The following KCNN2 variants were observed in gnomAD, a reference collection of about 807,000 sequenced individuals.
KCNN2 encodes small conductance calcium-activated potassium channel protein 2.
Under a neutral mutation model 55.5 loss-of-function variants are expected in KCNN2, and 24 were observed. That is an observed-to-expected ratio of 0.43 (90% confidence interval 0.31 to 0.61). KCNN2 has a LOEUF of 0.61. Among genes scored for constraint, KCNN2 ranks in the 20% least tolerant of loss-of-function variants. The pLI is 0.08. For missense variants in KCNN2, 754 were observed against 853.6 expected (o/e 0.88, Z 1.45); for synonymous variants, 431 against 336.1 (o/e 1.28, Z -3.09).
At chr5:114,142,381 A>G (rs1752304143) in intron 1 of KCNN2, among the ~76,000 whole-genome samples, 1 of 152,126 alleles carries the variant, frequency 6.6e-6, no homozygotes, top group Non-Finnish European at 1.5e-5. Flanking sequence ...CCATTTATTA[A>G]ATAGGGAATC....
chr5:114,167,305 A>G (rs1752933323), intron 1 of KCNN2, among the ~76,000 whole-genome samples: 1 of 152,166 alleles, frequency 6.6e-6, no homozygotes, highest in African/African-American at 2.4e-5. Context: ...TTATTATTTT[A>G]TGCTACCAAG....
chr5:114,203,433 C>T (rs1455004828), intron 1 of KCNN2, among the ~76,000 whole-genome samples: 1 of 152,010 alleles, frequency 6.6e-6, no homozygotes, highest in Non-Finnish European at 1.5e-5. Context: ...TTTAGATTTA[C>T]TTAGGGAATT....
chr5:114,247,907 C>T (rs73260078), intron 2 of KCNN2, among the ~76,000 whole-genome samples: 4,396 of 151,884 alleles, frequency 0.029, 139 homozygotes, highest in African/African-American at 0.085. Context: ...CCTCCTTGTG[C>T]ATCTCAGTAT....
At chr5:114,269,366 C>A (rs546782572) in intron 2 of KCNN2, among the ~76,000 whole-genome samples, 15 of 152,216 alleles carry the variant, frequency 9.9e-5, no homozygotes, top group African/African-American at 3.4e-4. Flanking sequence ...CAAACTGATT[C>A]TTTGTTAGCA....
chr5:114,418,911 G>A (rs188764782), intron 3 of KCNN2, among the ~76,000 whole-genome samples: 2 of 152,176 alleles, frequency 1.3e-5, no homozygotes, highest in Admixed American at 6.5e-5. Context: ...AAAGGATCAT[G>A]AGTTTTAAAC....
intron 1 of KCNN2, among the ~76,000 whole-genome samples, chr5:114,106,103 A>G (rs1364095460): frequency 6.6e-6 from 1 of 151,972 alleles, no homozygotes; most frequent in Admixed American, 6.6e-5. Context: ...GTAAATTGAA[A>G]GCATTTTGAA....
intron 2 of KCNN2, among the ~76,000 whole-genome samples, chr5:114,379,404 C>T (rs989663537): frequency 3.4e-5 from 5 of 148,594 alleles, no homozygotes; most frequent in African/African-American, 7.4e-5. Context: ...TATGAATATA[C>T]TTACTGAATA....
At chr5:114,375,358 C>G (rs1018177967) in intron 2 of KCNN2, among the ~76,000 whole-genome samples, 2 of 152,052 alleles carry the variant, frequency 1.3e-5, no homozygotes, top group Non-Finnish European at 2.9e-5. Context: ...TTCAAAGATA[C>G]ATCTAATACT....
chr5:114,451,261 T>A (rs1183107784), intron 3 of KCNN2, among the ~76,000 whole-genome samples: 1 of 152,224 alleles, frequency 6.6e-6, no homozygotes, highest in Non-Finnish European at 1.5e-5. Flanking sequence ...CCCTTTTCCA[T>A]TGGGACATCG....
chr5:114,396,528 A>C (rs1044110412), intron 2 of KCNN2, among the ~76,000 whole-genome samples: 2 of 151,088 alleles, frequency 1.3e-5, no homozygotes, highest in African/African-American at 4.9e-5. Flanking sequence ...ATAAGCATAT[A>C]AGCATAGTAC....
rs533920952 is a variant in KCNN2, at chr5:114,453,712, A to G, written c.1638-9337A>G. On this transcript the variant is annotated intron_variant, in intron 3 of 7. Transcript: ENST00000673685. Reference sequence around the variant, plus strand: ...TTTTGCTTTTTTCTACTTTCTGGGAAATTTCTGTCAACTTACATTCTAACT... The same window carrying G: ...TTTTGCTTTTTTCTACTTTCTGGGAGATTTCTGTCAACTTACATTCTAACT... Among the ~76,000 whole-genome samples the G allele has an allele frequency of 2.6e-5, 4 of 152,014 alleles. No homozygotes were observed. In the East Asian group the frequency reaches 7.7e-4, roughly 29 times the overall value.
chr5:114,299,930 G>T (rs1466125699), intron 2 of KCNN2, among the ~76,000 whole-genome samples: 1 of 152,088 alleles, frequency 6.6e-6, no homozygotes, highest in Non-Finnish European at 1.5e-5. Context: ...AGTATCAGAT[G>T]CTGGTTACCT....
intron 1 of KCNN2, among the ~76,000 whole-genome samples, chr5:114,152,148 T>G (rs967081299): frequency 6.6e-6 from 1 of 152,094 alleles, no homozygotes. Flanking sequence ...TCATTATAGT[T>G]CCAATTACCA....
chr5:114,462,007 G>A (rs1015262221), intron 3 of KCNN2, among the ~76,000 whole-genome samples: 19 of 152,192 alleles, frequency 1.2e-4, no homozygotes, highest in African/African-American at 4.6e-4. Flanking sequence ...CTTTCCAATG[G>A]TGGGTGAAAA....
chr5:114,486,676 A>G, intron 5 of KCNN2: 1 of 1,182,174 alleles, frequency 8.5e-7, no homozygotes, highest in Non-Finnish European at 1.1e-6. Flanking sequence ...CCTTGGCCTC[A>G]TGGTATTTTG....
chr5:114,432,826 C>T (rs1759845746), intron 3 of KCNN2, among the ~76,000 whole-genome samples: 1 of 152,226 alleles, frequency 6.6e-6, no homozygotes, highest in African/African-American at 2.4e-5. Context: ...AGCACCTGGG[C>T]CAGCGGCTGC....
chr5:114,438,788 T>C (rs1561384026), intron 3 of KCNN2, among the ~76,000 whole-genome samples: 1 of 152,140 alleles, frequency 6.6e-6, no homozygotes. Context: ...TTTTCCCCTA[T>C]TTGCCTGTCT....
chr5:114,106,778 G>C (rs1329356803), intron 1 of KCNN2, among the ~76,000 whole-genome samples: 2 of 150,684 alleles, frequency 1.3e-5, no homozygotes, highest in Non-Finnish European at 3.0e-5. Context: ...CATATATTCT[G>C]GGAGTCTTCT....
At chr5:114,266,194 A>G (rs1335661451) in intron 2 of KCNN2, among the ~76,000 whole-genome samples, 2 of 152,122 alleles carry the variant, frequency 1.3e-5, no homozygotes, top group African/African-American at 4.8e-5. Context: ...CAAGTCTTTG[A>G]TCAGTGTGTA....
Sources: gnomAD v4.1 joint callset for allele counts (sites outside exome capture counted in the v4.1 genomes callset) on GRCh38, gnomAD v4.1.1 for gene constraint, MANE v1.5 for transcripts, NCBI Gene and HGNC (gene_info 2026-07-23, HGNC 2026-07-21) for gene names.